Variants in CGGBP1 observed in about 807,000 individuals in gnomAD.
The protein encoded by CGGBP1 is CGG triplet repeat-binding protein 1.
CGGBP1 carries 4 observed loss-of-function variants against 11.4 expected under a neutral mutation model. The ratio of observed to expected loss-of-function variants is 0.35; its 90% CI spans 0.17 to 0.80. The LOEUF (loss-of-function observed/expected upper bound fraction) is 0.80, where lower values mean the gene tolerates loss of function less well. CGGBP1 is among the 30% of genes least tolerant of loss of function. The pLI, the probability that CGGBP1 is intolerant of heterozygous loss-of-function variation, is 0.52. For missense variants in CGGBP1, 135 were observed against 202.1 expected, an observed-to-expected ratio of 0.67 and a Z score of 2.01; for synonymous variants, 76 against 74.1, an observed-to-expected ratio of 1.03 and a Z score of -0.13.
chr3:88,084,876 G>A (rs933160600), intron 2 of CGGBP1, among the ~76,000 whole-genome samples: 8 of 152,180 alleles, frequency 5.3e-5, no homozygotes, highest in African/African-American at 1.9e-4. Flanking sequence ...TTTCATCACA[G>A]TTGAGGAACC....
At chr3:88,061,644 G>A (rs1250702736), upstream of CGGBP1, among the ~76,000 whole-genome samples, 2 of 152,180 alleles carry the variant, frequency 1.3e-5, no homozygotes, top group Non-Finnish European at 2.9e-5. Flanking sequence ...CCTTTATTAA[G>A]TTGAATTTTA....
intron 2 of CGGBP1, among the ~76,000 whole-genome samples, chr3:88,137,054 G>A (rs138689453): frequency 0.067 from 10,238 of 152,058 alleles, 477 homozygotes; most frequent in Non-Finnish European, 0.1. Flanking sequence ...AATTAGCCAA[G>A]TGTGGTGGCT....
chr3:88,072,726 T>C (rs544059879), intron 2 of CGGBP1, among the ~76,000 whole-genome samples: 2 of 152,126 alleles, frequency 1.3e-5, no homozygotes, highest in Admixed American at 6.5e-5. Flanking sequence ...CCATCTAATA[T>C]ATATTCATTT....
chr3:88,129,897 T>TAAA, intron 2 of CGGBP1: 1 of 1,272,722 alleles, frequency 7.9e-7, no homozygotes. Context: ...GTTTGAACTT[T>TAAA]GTTTTTTACA....
At chr3:88,124,234 A>G (rs1320819326) in intron 2 of CGGBP1, among the ~76,000 whole-genome samples, 1 of 152,186 alleles carries the variant, frequency 6.6e-6, no homozygotes, top group Non-Finnish European at 1.5e-5. Context: ...CCTCACAACA[A>G]TCCTATGAAG....
At chr3:88,100,825 G>C (rs867783888) in intron 2 of CGGBP1, among the ~76,000 whole-genome samples, 2 of 152,138 alleles carry the variant, frequency 1.3e-5, no homozygotes. Flanking sequence ...TGGGGAAAGC[G>C]GGGAGGGATA....
At chr3:88,120,592 C>T (rs1305977758) in intron 2 of CGGBP1, among the ~76,000 whole-genome samples, 4 of 152,214 alleles carry the variant, frequency 2.6e-5, no homozygotes, top group African/African-American at 9.6e-5. Context: ...CATTCAGCCC[C>T]AAACACAAAT....
intron 2 of CGGBP1, among the ~76,000 whole-genome samples, chr3:88,107,186 A>G (rs1009016413): frequency 1.3e-5 from 2 of 152,202 alleles, no homozygotes; most frequent in African/African-American, 4.8e-5. Context: ...TATACACTTT[A>G]TATACTTTAT....
intron 2 of CGGBP1, among the ~76,000 whole-genome samples, chr3:88,090,086 T>G (rs1576248434): frequency 6.6e-6 from 1 of 152,160 alleles, no homozygotes; most frequent in Admixed American, 6.6e-5. Flanking sequence ...ACAGTGATAA[T>G]TATATTATTG....
At chr3:88,137,105 G>GA (rs1706835416) in intron 2 of CGGBP1, among the ~76,000 whole-genome samples, 1 of 137,676 alleles carries the variant, frequency 7.3e-6, no homozygotes, top group South Asian at 2.3e-4. Flanking sequence ...TGAGGCAGGA[G>GA]AATTGCTTGA....
chr3:88,054,159 T>C lies in CGGBP1; in HGVS notation c.*1314A>G, dbSNP rs1233210395. The C allele has an allele frequency of 6.6e-6, 1 of 152,614 alleles. No homozygotes were observed. The highest frequency in any genetic ancestry group is 2.1e-4 in the South Asian group (1 of 4,836). The allele number at this position is 152,614 out of a possible 1,614,324, so 9.5% of individuals were successfully genotyped here. On this transcript the variant is annotated 3_prime_UTR_variant, in exon 4 of 4. Coordinates refer to ENST00000482016, the MANE Select transcript of CGGBP1 (RefSeq NM_001008390.2). ...GGCATCATTTGTCACTGCTTTGTAA[T>C]AGAAATATATAAGTATTTTTAACTT... is the stretch of plus-strand genomic sequence containing the variant.
chr3:88,075,117 A>G (rs1707728476), intron 2 of CGGBP1, among the ~76,000 whole-genome samples: 1 of 152,042 alleles, frequency 6.6e-6, no homozygotes, highest in South Asian at 2.1e-4. Context: ...CCTACTTTAT[A>G]TTTCCATCAT....
chr3:88,056,061 A>G (rs1047272783), intron 3 of CGGBP1, 62 bp from the exon 4 acceptor site: 6 of 1,274,650 alleles, frequency 4.7e-6, no homozygotes, highest in Non-Finnish European at 6.5e-6. Flanking sequence ...GAAGTAATGA[A>G]CAATAAAAGG....
chr3:88,139,930 T>C, intron 2 of CGGBP1: 1 of 1,613,660 alleles, frequency 6.2e-7, no homozygotes, highest in Non-Finnish European at 8.5e-7. Context: ...CTTGGTTGTG[T>C]CCGGATATTT....
intron 1 of CGGBP1, chr3:88,143,715 TCTA>T (rs1293985561): frequency 6.6e-6 from 1 of 152,332 alleles, no homozygotes; most frequent in Non-Finnish European, 1.5e-5. Context: ...GAGGTTTATT[TCTA>T]CTTTTGTGTT....
intron 2 of CGGBP1, among the ~76,000 whole-genome samples, chr3:88,131,229 AAAG>A (rs1706441503): frequency 6.6e-6 from 1 of 152,202 alleles, no homozygotes; most frequent in Admixed American, 6.5e-5. Flanking sequence ...AAATATAGAA[AAAG>A]TACAGTAAAA....
rs1304463741 is a variant in CGGBP1 at position 88,055,214 on chromosome 3, A to C, written c.*259T>G. 1 of 315,936 alleles carries C rather than the reference A, an allele frequency of 3.2e-6. No homozygotes were observed. The highest frequency in any genetic ancestry group is 2.1e-5 in the African/African-American group (1 of 46,800). The allele number at this position is 315,936 out of a possible 1,614,324, so 19.6% of individuals were successfully genotyped here. Reference sequence around the variant, plus strand: ...CAAACATTTCAGGAGAAAAACCATTAATTTTAAAGATAACCATCAGGTTTC... The same window carrying C: ...CAAACATTTCAGGAGAAAAACCATTCATTTTAAAGATAACCATCAGGTTTC... On this transcript the variant is annotated 3_prime_UTR_variant, in exon 4 of 4. Coordinates refer to ENST00000482016, the MANE Select transcript of CGGBP1 (RefSeq NM_001008390.2). The surrounding 1 kb of genome is among the most constrained non-coding windows in gnomAD (Gnocchi z 4.2).
At chr3:88,141,504 C>A in intron 1 of CGGBP1, 1 of 547,182 alleles carries the variant, frequency 1.8e-6, no homozygotes. Flanking sequence ...AATTGAGAAA[C>A]AAAATCAGAA....
chr3:88,082,519 G>A (rs1348333767), intron 2 of CGGBP1, among the ~76,000 whole-genome samples: 1 of 152,228 alleles, frequency 6.6e-6, no homozygotes, highest in Non-Finnish European at 1.5e-5. Context: ...GAACTGTGAG[G>A]TGTTTGAGGT....
Sources: allele counts gnomAD v4.1 joint callset (sites outside exome capture counted in the v4.1 genomes callset), GRCh38; gene constraint gnomAD v4.1.1; non-coding constraint Gnocchi (gnomAD v3.1); transcripts MANE v1.5; gene names NCBI Gene and HGNC (gene_info 2026-07-23, HGNC 2026-07-21).